Variants in GPC6 observed in about 807,000 individuals in gnomAD.
The protein encoded by GPC6 is glypican-6.
A neutral mutation model predicts 55.2 loss-of-function variants in GPC6; 14 were observed. The observed-to-expected ratio is 0.25, with a 90% CI of 0.17 to 0.40. GPC6 has a LOEUF of 0.40. Ranked by LOEUF, GPC6 falls within the 10% of genes least tolerant of loss-of-function variation. The probability of loss-of-function intolerance (pLI) is 1.00; values close to 1 mark genes in which losing one functional copy is unlikely to be tolerated. For missense variants in GPC6, 641 were observed against 708.5 expected (o/e 0.90, Z 1.08); for synonymous variants, 278 against 259.6 (o/e 1.07, Z -0.68).
intron 2 of GPC6, among the ~76,000 whole-genome samples, chr13:93,683,541 G>C (rs1018219735): frequency 6.6e-6 from 1 of 152,028 alleles, no homozygotes; most frequent in African/African-American, 2.4e-5. Flanking sequence ...GCCATCAAAA[G>C]GCCCAAATTC....
At chr13:93,659,590 A>C (rs1255090803) in intron 2 of GPC6, among the ~76,000 whole-genome samples, 1 of 152,166 alleles carries the variant, frequency 6.6e-6, no homozygotes, top group East Asian at 1.9e-4. Context: ...AGATCAATCA[A>C]CATAGCTGTA....
chr13:94,155,736 G>A (rs591981), intron 4 of GPC6, among the ~76,000 whole-genome samples: 313 of 152,034 alleles, frequency 2.1e-3, no homozygotes, highest in African/African-American at 7.4e-3. Context: ...TTCAGTGACT[G>A]CTATTTCCAT....
chr13:93,610,958 A>G (rs1327086046), intron 2 of GPC6, among the ~76,000 whole-genome samples: 1 of 152,160 alleles, frequency 6.6e-6, no homozygotes, highest in Non-Finnish European at 1.5e-5. Flanking sequence ...TCAGAAATTT[A>G]TGACGATTCC....
At chr13:93,611,664 G>T (rs144069848) in intron 2 of GPC6, among the ~76,000 whole-genome samples, 1 of 152,168 alleles carries the variant, frequency 6.6e-6, no homozygotes, top group African/African-American at 2.4e-5. Flanking sequence ...CATCAGTTGT[G>T]TAGAACAAAG....
rs534900095 is a variant in GPC6, at chr13:93,697,967, A to T, written c.320-132187A>T. Among the ~76,000 whole-genome samples, 3 of 152,302 alleles carry T rather than the reference A, an allele frequency of 2.0e-5. No individual in the cohort carries two copies. The East Asian group carries it at 5.8e-4, about 29-fold the overall frequency. On this transcript the variant is annotated intron_variant, in intron 2 of 8. Transcript: ENST00000377047. ...GCATTTCATTTATCTTGACAAATGAAGTGAGTGTGGCCTTCAACCATATCT... is the reference window on the plus strand; with the variant it reads ...GCATTTCATTTATCTTGACAAATGATGTGAGTGTGGCCTTCAACCATATCT...
At chr13:93,501,757 A>G (rs945129123) in intron 1 of GPC6, among the ~76,000 whole-genome samples, 1 of 152,174 alleles carries the variant, frequency 6.6e-6, no homozygotes, top group Non-Finnish European at 1.5e-5. Context: ...CTGTGGTTTC[A>G]ATTCGGCTTG....
intron 1 of GPC6, among the ~76,000 whole-genome samples, chr13:93,283,133 T>A (rs910999614): frequency 1.2e-4 from 19 of 152,210 alleles, no homozygotes; most frequent in African/African-American, 4.3e-4. Flanking sequence ...ATTTTGATTT[T>A]AAATTTTTTA....
At chr13:93,590,399 T>G (rs1877407787) in intron 2 of GPC6, among the ~76,000 whole-genome samples, 1 of 152,102 alleles carries the variant, frequency 6.6e-6, no homozygotes, top group Admixed American at 6.5e-5. Context: ...GTAAAAAGAG[T>G]GTTGCTACAA....
intron 3 of GPC6, among the ~76,000 whole-genome samples, chr13:94,022,387 A>G (rs1462184958): frequency 6.6e-6 from 1 of 151,974 alleles, no homozygotes; most frequent in Non-Finnish European, 1.5e-5. Flanking sequence ...AATGTCCTAT[A>G]TGTCCATTCA....
chr13:94,302,761 T>C (rs1594147940), intron 5 of GPC6, among the ~76,000 whole-genome samples: 1 of 152,156 alleles, frequency 6.6e-6, no homozygotes, highest in African/African-American at 2.4e-5. Context: ...TGGCCACGGG[T>C]GGCTTCCAAG....
intron 1 of GPC6, among the ~76,000 whole-genome samples, chr13:93,246,533 A>G (rs978064205): frequency 2.0e-5 from 3 of 152,068 alleles, no homozygotes; most frequent in African/African-American, 7.2e-5. Context: ...TTCTTAATAG[A>G]TGAGAATAAC....
At chr13:93,821,950 T>C (rs1887059856) in intron 2 of GPC6, among the ~76,000 whole-genome samples, 1 of 152,114 alleles carries the variant, frequency 6.6e-6, no homozygotes, top group South Asian at 2.1e-4. Flanking sequence ...GAAAATATGA[T>C]TTCTATGTAA....
At chr13:93,465,241 C>G (rs1878862295) in intron 1 of GPC6, among the ~76,000 whole-genome samples, 1 of 152,198 alleles carries the variant, frequency 6.6e-6, no homozygotes, top group African/African-American at 2.4e-5. Flanking sequence ...GCATTAGCCT[C>G]TAAAAAGAGA....
At chr13:93,715,394 T>A (rs1883216853) in intron 2 of GPC6, among the ~76,000 whole-genome samples, 2 of 151,476 alleles carry the variant, frequency 1.3e-5, no homozygotes. Flanking sequence ...CACTTGTTAG[T>A]GGGAGCTAAA....
At chr13:93,642,299 C>T (rs1210320843) in intron 2 of GPC6, among the ~76,000 whole-genome samples, 1 of 152,078 alleles carries the variant, frequency 6.6e-6, no homozygotes, top group African/African-American at 2.4e-5. Context: ...CCAACTCCAG[C>T]CACGTTGCTG....
chr13:93,653,456 C>T (rs1594344276), intron 2 of GPC6, among the ~76,000 whole-genome samples: 2 of 152,042 alleles, frequency 1.3e-5, no homozygotes, highest in East Asian at 1.9e-4. Flanking sequence ...TGGCAGTCCA[C>T]CATGCCATTT....
chr13:93,383,290 C>T (rs2139206953), intron 1 of GPC6, among the ~76,000 whole-genome samples: 1 of 152,302 alleles, frequency 6.6e-6, no homozygotes, highest in East Asian at 1.9e-4. Flanking sequence ...TGGCTCACTG[C>T]AGCCCTGACC....
chr13:93,356,037 G>A (rs1011251358), intron 1 of GPC6, among the ~76,000 whole-genome samples: 8 of 152,078 alleles, frequency 5.3e-5, no homozygotes, highest in African/African-American at 1.9e-4. Context: ...GGTTTAAAGG[G>A]GAGGAGGAGT....
intron 4 of GPC6, among the ~76,000 whole-genome samples, chr13:94,099,582 G>GT (rs973424642): frequency 1.3e-5 from 2 of 152,060 alleles, no homozygotes; most frequent in African/African-American, 2.4e-5. Flanking sequence ...TTTGAAACTA[G>GT]TTTTTTATTA....
Sources: gnomAD v4.1 joint callset for allele counts (sites outside exome capture counted in the v4.1 genomes callset) on GRCh38, gnomAD v4.1.1 for gene constraint, MANE v1.5 for transcripts, NCBI Gene and HGNC (gene_info 2026-07-23, HGNC 2026-07-21) for gene names.